PDZK1: variants seen among roughly 807,000 people sequenced by gnomAD.
PDZK1 encodes the protein Na(+)/H(+) exchange regulatory cofactor NHE-RF3.
Under a neutral mutation model 38.1 loss-of-function variants are expected in PDZK1, and 23 were observed. The ratio of observed to expected loss-of-function variants is 0.60; its 90% CI spans 0.43 to 0.85. PDZK1 has a LOEUF of 0.85. Among genes scored for constraint, PDZK1 ranks in the 40% least tolerant of loss-of-function variants. PDZK1 has a pLI of 0.00. For missense variants in PDZK1, 297 were observed against 504.3 expected, an observed-to-expected ratio of 0.59 and a Z score of 3.94; for synonymous variants, 98 against 186.2, an observed-to-expected ratio of 0.53 and a Z score of 3.86.
intron 1 of PDZK1, among the ~76,000 whole-genome samples, chr1:145,692,809 C>T (rs180948875): frequency 2.4e-4 from 37 of 151,364 alleles, no homozygotes; most frequent in African/African-American, 8.2e-4. Flanking sequence ...CCAAGGCAAG[C>T]GGATAACGAG....
At chr1:145,704,118 C>A (rs1656122838) in intron 1 of PDZK1, among the ~76,000 whole-genome samples, 1 of 152,054 alleles carries the variant, frequency 6.6e-6, no homozygotes, top group Admixed American at 6.5e-5. Flanking sequence ...CGTGAGCCAT[C>A]ATGCCCAGCC....
At chr1:145,697,260 G>A (rs961833210) in intron 1 of PDZK1, among the ~76,000 whole-genome samples, 1 of 151,760 alleles carries the variant, frequency 6.6e-6, no homozygotes, top group Non-Finnish European at 1.5e-5. Context: ...CCGGGAGGCA[G>A]TGGTTGCGGT....
At chr1:145,705,971 C>T (rs1656223125) in intron 1 of PDZK1, among the ~76,000 whole-genome samples, 1 of 152,126 alleles carries the variant, frequency 6.6e-6, no homozygotes, top group South Asian at 2.1e-4. Context: ...CCAGGCTGGT[C>T]TCGAACTCCT....
chr1:145,695,396 G>A lies in PDZK1; in HGVS notation c.-2-7373C>T, dbSNP rs187431451. 6.4e-4 allele frequency among the ~76,000 whole-genome samples: 98 copies of A among 152,088 alleles called. No homozygotes were observed. In the South Asian group the frequency reaches 0.018, roughly 28 times the overall value. On this transcript the variant is annotated intron_variant, in intron 1 of 8. Transcript: ENST00000417171. Reference sequence around the variant, plus strand: ...GAGACAGTGCACTGAACTCCAGCCCGGGTGACAGAGTGAGACACTGTCGAA... The same window carrying A: ...GAGACAGTGCACTGAACTCCAGCCCAGGTGACAGAGTGAGACACTGTCGAA...
intron 6 of PDZK1, chr1:145,676,167 C>T: frequency 4.1e-6 from 4 of 984,616 alleles, no homozygotes; most frequent in Non-Finnish European, 4.8e-6. Flanking sequence ...CTTTGGAGAG[C>T]GGGGAAGGAG....
At position 145,693,771 on chromosome 1, in the gene PDZK1, C is replaced by CA. The variant is rs35999622; in HGVS notation, c.-2-5749dup. On this transcript the variant is annotated intron_variant, in intron 1 of 8. Coordinates refer to ENST00000417171, the MANE Select transcript of PDZK1 (RefSeq NM_001201325.2). ...CCTGGGTGACAGAGCGAGACTCCAC[C>CA]AAAAAAAAAAAAAATCACCCTAGGC... Among the ~76,000 whole-genome samples, 679 of 139,720 alleles carry CA rather than the reference C, an allele frequency of 4.9e-3. 7 individuals are homozygous for CA. Among genetic ancestry groups the CA allele is most frequent in the South Asian group, 0.035 (151 of 4,368 alleles). The allele number at this position is 139,720 out of a possible 152,430, so 91.7% of individuals were successfully genotyped here. A position where few individuals can be genotyped will look rare whatever the true frequency, so the allele number is the denominator to read the frequency against.
intron 1 of PDZK1, among the ~76,000 whole-genome samples, chr1:145,697,093 C>G (rs138510646): frequency 6.6e-6 from 1 of 152,174 alleles, no homozygotes; most frequent in East Asian, 1.9e-4. Context: ...TTTGGGAGGC[C>G]GAGGCGGGTA....
chr1:145,676,182 T>C, intron 6 of PDZK1: 1 of 984,988 alleles, frequency 1.0e-6, no homozygotes, highest in Non-Finnish European at 1.2e-6. Flanking sequence ...AAGGAGATGA[T>C]GAGGGCAGGC....
At chr1:145,694,881 G>A (rs1350400727) in intron 1 of PDZK1, among the ~76,000 whole-genome samples, 1 of 102,044 alleles carries the variant, frequency 9.8e-6, no homozygotes, top group Admixed American at 1.5e-4. Flanking sequence ...TGGGGACAGA[G>A]CAAGACTCTG....
intron 6 of PDZK1, among the ~76,000 whole-genome samples, chr1:145,677,858 G>T (rs1653839721): frequency 7.4e-6 from 1 of 135,994 alleles, no homozygotes; most frequent in East Asian, 2.1e-4. Context: ...GTACTTAGAA[G>T]GCCCCCCAGG....
At chr1:145,687,713 G>T in intron 2 of PDZK1, 99 bp downstream of exon 2, 1 of 1,047,104 alleles carries the variant, frequency 9.6e-7, no homozygotes, top group Non-Finnish European at 1.5e-6. Context: ...TGGCAGCCAG[G>T]AAAGAACCAA....
At chr1:145,698,507 A>G (rs1342889423) in intron 1 of PDZK1, among the ~76,000 whole-genome samples, 2 of 152,230 alleles carry the variant, frequency 1.3e-5, no homozygotes, top group African/African-American at 4.8e-5. Flanking sequence ...AACTTAGGTT[A>G]AAATATATAT....
chr1:145,675,474 T>TCTCCTTC (rs1268839522), intron 6 of PDZK1, among the ~76,000 whole-genome samples: 1 of 141,348 alleles, frequency 7.1e-6, no homozygotes, highest in Non-Finnish European at 1.5e-5. Flanking sequence ...CAAGACCACA[T>TCTCCTTC]CTCCTTCCTT....
rs1571571622 is a variant in PDZK1, at chr1:145,674,145, C to T, written c.991-264G>A. ...GCAGTATAGGATGCGGTACAAGGATCCCAAAAGAAGTCTAAAAAATTGCTA... is the reference window on the plus strand; with the variant it reads ...GCAGTATAGGATGCGGTACAAGGATTCCAAAAGAAGTCTAAAAAATTGCTA... On this transcript the variant is annotated intron_variant, in intron 6 of 8. Coordinates refer to ENST00000417171, the MANE Select transcript of PDZK1 (RefSeq NM_001201325.2). 13 of 983,648 alleles carry T rather than the reference C, an allele frequency of 1.3e-5. No homozygotes were observed. The South Asian group carries it at 6.1e-4, about 46-fold the overall frequency. The allele number at this position is 983,648 out of a possible 1,614,324, so 60.9% of individuals were successfully genotyped here.
chr1:145,695,864 A>G (rs1655599803), intron 1 of PDZK1, among the ~76,000 whole-genome samples: 1 of 152,228 alleles, frequency 6.6e-6, no homozygotes, highest in African/African-American at 2.4e-5. Context: ...CATTGTAGTA[A>G]GTCTTCAGCC....
intron 1 of PDZK1, among the ~76,000 whole-genome samples, chr1:145,705,305 G>T (rs141166992): frequency 1.3e-5 from 2 of 152,066 alleles, no homozygotes; most frequent in East Asian, 3.9e-4. Flanking sequence ...TGGCCAAGCT[G>T]GTCTTGAACT....
intron 1 of PDZK1, among the ~76,000 whole-genome samples, chr1:145,696,257 C>T (rs1553704115): frequency 6.6e-6 from 1 of 152,204 alleles, no homozygotes; most frequent in Admixed American, 6.5e-5. Flanking sequence ...CCGCAAGGGC[C>T]AGCTGTATAC....
chr1:145,694,621 G>A (rs587691565), intron 1 of PDZK1, among the ~76,000 whole-genome samples: 59 of 152,172 alleles, frequency 3.9e-4, no homozygotes, highest in African/African-American at 1.3e-3. Flanking sequence ...ATAACTTGCC[G>A]GGTGCAGTGG....
chr1:145,682,897 G>A (rs587707356), intron 3 of PDZK1, among the ~76,000 whole-genome samples: 1 of 152,142 alleles, frequency 6.6e-6, no homozygotes, highest in Admixed American at 6.5e-5. Flanking sequence ...CTTTCCCTAT[G>A]GTATATCAGC....
Sources: gnomAD v4.1 joint callset for allele counts (sites outside exome capture counted in the v4.1 genomes callset) on GRCh38, gnomAD v4.1.1 for gene constraint, MANE v1.5 for transcripts, NCBI Gene and HGNC (gene_info 2026-07-23, HGNC 2026-07-21) for gene names.